Variants in USP44 observed in about 807,000 individuals in gnomAD.
The protein encoded by USP44 is ubiquitin carboxyl-terminal hydrolase 44.
A neutral mutation model predicts 69.0 loss-of-function variants in USP44; 61 were observed. The observed-to-expected ratio is 0.88, with a 90% CI of 0.72 to 1.09. The LOEUF is 1.09. Among genes scored for constraint, USP44 ranks in the 50% least tolerant of loss-of-function variants. The pLI, the probability that USP44 is intolerant of heterozygous loss-of-function variation, is 0.00. For missense variants in USP44, 753 were observed against 849.9 expected (o/e 0.89, Z 1.42); for synonymous variants, 297 against 295.4 (o/e 1.01, Z -0.06).
At position 95,518,241 on chromosome 12, in the gene USP44, A is replaced by G; in HGVS notation, c.2052T>C (p.His684=). The G allele has an allele frequency of 6.2e-7, 1 of 1,614,190 alleles. No individual in the cohort carries two copies. Among genetic ancestry groups the G allele is most frequent in the African/African-American group, 1.3e-5 (1 of 75,046 alleles). The change falls in exon 6 of 6, where the codon CAT becomes CAC. Residue 684 remains histidine (H), a synonymous_variant. Transcript: ENST00000258499. ...GGAGCTCTGGAGGCAAAAGTTTAGAATGTCCATTCTCAGTAACTCGTTGGG... is the reference window on the plus strand; with the variant it reads ...GGAGCTCTGGAGGCAAAAGTTTAGAGTGTCCATTCTCAGTAACTCGTTGGG... The part of the protein sequence containing the change: ...FYTQRVTENG[H]SKLLPPELLL...
chr12:95,521,533 GCT>G (rs2076662536), intron 4 of USP44, among the ~76,000 whole-genome samples: 1 of 152,194 alleles, frequency 6.6e-6, no homozygotes, highest in Non-Finnish European at 1.5e-5. Flanking sequence ...ACGGAGTCTT[GCT>G]CTGTTACCTA....
chr12:95,522,506 G>C (rs1453698786), intron 4 of USP44, among the ~76,000 whole-genome samples: 1 of 152,032 alleles, frequency 6.6e-6, no homozygotes, highest in Non-Finnish European at 1.5e-5. Context: ...GGTTGGCCGT[G>C]GTGGCTCACG....
chr12:95,520,973 TA>T, intron 5 of USP44, 23 bp downstream of exon 5: 1 of 1,608,250 alleles, frequency 6.2e-7, no homozygotes, highest in Non-Finnish European at 8.5e-7. Flanking sequence ...CAACCCAAGA[TA>T]AAATACTTTT....
In USP44 at chr12:95,518,226, A is replaced by G; in HGVS notation, c.2067T>C (p.Pro689=). The G allele has an allele frequency of 1.2e-6, 2 of 1,614,202 alleles. No individual in the cohort carries two copies. Among genetic ancestry groups the G allele is most frequent in the South Asian group, 2.2e-5 (2 of 91,084 alleles). The change falls in exon 6 of 6, where the codon CCT becomes CCC. Residue 689 remains proline, a synonymous_variant. Transcript: ENST00000258499. ...VTENGHSKLL[P]PELLLGSQHP... is the part of the protein sequence containing the mutation. ...GTTGGCTCCCCAACAGGAGCTCTGG[A>G]GGCAAAAGTTTAGAATGTCCATTCT...
intron 1 of USP44, among the ~76,000 whole-genome samples, chr12:95,541,034 C>G (rs183409106): frequency 6.6e-6 from 1 of 152,218 alleles, no homozygotes. Context: ...AATCCCAACA[C>G]TTTGGGAGGC....
intron 1 of USP44, among the ~76,000 whole-genome samples, chr12:95,545,627 C>T (rs191279849): frequency 1.3e-5 from 2 of 152,320 alleles, no homozygotes; most frequent in African/African-American, 4.8e-5. Flanking sequence ...TTCACGGAAC[C>T]ACCATAGTAT....
rs765644615 is a variant in USP44, at chr12:95,518,300, C to T, written c.1993G>A (p.Val665Ile). 3 of 1,614,182 alleles carry T rather than the reference C, an allele frequency of 1.9e-6. No homozygotes were observed. Among genetic ancestry groups the T allele is most frequent in the East Asian group, 2.2e-5 (1 of 44,860 alleles). Residue 665 changes from valine (V) to isoleucine (I), a missense_variant, in exon 6 of 6, where the codon GTA (valine) becomes ATA (isoleucine). Transcript: ENST00000258499. ...SKLSMCTMDE[V>I]CKAQAYILFY... ...AAGATATAAGCTTGAGCCTTGCATA[C>T]TTCATCCATAGTGCACATGCTTAGT...
At chr12:95,549,763 C>T (rs1014576580) in intron 1 of USP44, among the ~76,000 whole-genome samples, 2 of 152,118 alleles carry the variant, frequency 1.3e-5, no homozygotes, top group South Asian at 2.1e-4. Flanking sequence ...GAGTATGTTT[C>T]AGTGGTATGA....
intron 3 of USP44, among the ~76,000 whole-genome samples, 181 bp downstream of exon 3, chr12:95,528,626 T>C (rs1207101158): frequency 6.6e-6 from 1 of 152,208 alleles, no homozygotes; most frequent in Non-Finnish European, 1.5e-5. Flanking sequence ...ATTCCATCAA[T>C]ATGGCCAAAC....
At chr12:95,536,234 A>C (rs1395105098) in intron 1 of USP44, among the ~76,000 whole-genome samples, 1 of 151,728 alleles carries the variant, frequency 6.6e-6, no homozygotes, top group Non-Finnish European at 1.5e-5. Context: ...GTACAGACAT[A>C]GTTTCACCAT....
intron 2 of USP44, among the ~76,000 whole-genome samples, chr12:95,529,341 T>A (rs142403973): frequency 4.6e-5 from 7 of 152,174 alleles, no homozygotes; most frequent in African/African-American, 1.4e-4. Context: ...TATGTATACA[T>A]AGATATATAC....
At chr12:95,538,185 G>T (rs571260395) in intron 1 of USP44, among the ~76,000 whole-genome samples, 1 of 152,182 alleles carries the variant, frequency 6.6e-6, no homozygotes, top group South Asian at 2.1e-4. Flanking sequence ...CTAAATCCCC[G>T]AGTTTAACAC....
chr12:95,537,097 C>T (rs2077230326), intron 1 of USP44, among the ~76,000 whole-genome samples: 1 of 151,984 alleles, frequency 6.6e-6, no homozygotes, highest in South Asian at 2.1e-4. Flanking sequence ...GACTAGCAGT[C>T]CAGAAATTAT....
At chr12:95,530,850 G>T (rs540691592) in intron 2 of USP44, among the ~76,000 whole-genome samples, 1 of 152,206 alleles carries the variant, frequency 6.6e-6, no homozygotes, top group South Asian at 2.1e-4. Flanking sequence ...AACAATAGGG[G>T]AATGGTTAAG....
intron 1 of USP44, among the ~76,000 whole-genome samples, chr12:95,545,538 AAAC>A (rs1289758114): frequency 3.3e-5 from 5 of 152,218 alleles, no homozygotes; most frequent in Non-Finnish European, 7.3e-5. Context: ...ATAAGAATGA[AAAC>A]AACTTTATCC....
At chr12:95,538,899 C>T (rs763512322) in intron 1 of USP44, among the ~76,000 whole-genome samples, 2 of 152,248 alleles carry the variant, frequency 1.3e-5, no homozygotes, top group Non-Finnish European at 2.9e-5. Flanking sequence ...TTTTCATTTG[C>T]TAATCCACCG....
chr12:95,541,144 T>A (rs1193529231), intron 1 of USP44, among the ~76,000 whole-genome samples: 1 of 152,154 alleles, frequency 6.6e-6, no homozygotes, highest in African/African-American at 2.4e-5. Flanking sequence ...CCGGGCATGG[T>A]GGCAGGTGCC....
chr12:95,518,429 T>G, intron 5 of USP44, 76 bp from the exon 6 acceptor site: 1 of 1,436,896 alleles, frequency 7.0e-7, no homozygotes, highest in Non-Finnish European at 9.5e-7. Flanking sequence ...AGTGAGAAGC[T>G]TTTTCTGAAG....
chr12:95,530,117 T>C (rs1592698822), intron 2 of USP44, among the ~76,000 whole-genome samples: 1 of 152,188 alleles, frequency 6.6e-6, no homozygotes. Context: ...TATGAAATAT[T>C]ATAAAGAACC....
Sources: allele counts gnomAD v4.1 joint callset (sites outside exome capture counted in the v4.1 genomes callset), GRCh38; gene constraint gnomAD v4.1.1; transcripts MANE v1.5; gene names NCBI Gene and HGNC (gene_info 2026-07-23, HGNC 2026-07-21).